CDK9: variants seen among roughly 807,000 people sequenced by gnomAD.
The protein encoded by CDK9 is cyclin-dependent kinase 9.
Under a neutral mutation model 39.0 loss-of-function variants are expected in CDK9, and 34 were observed. The ratio of observed to expected loss-of-function variants is 0.87; its 90% CI spans 0.66 to 1.16. The LOEUF (loss-of-function observed/expected upper bound fraction) is 1.16, where lower values mean the gene tolerates loss of function less well. Ranked by LOEUF, CDK9 falls within the 50% of genes most tolerant of loss-of-function variation. CDK9 has a pLI of 0.00. For synonymous variants in CDK9, 233 were observed against 196.2 expected, an observed-to-expected ratio of 1.19 and a Z score of -1.57; for missense variants, 369 against 503.2, an observed-to-expected ratio of 0.73 and a Z score of 2.55.
chr9:127,787,167 C>T (rs1441939071), intron 2 of CDK9, among the ~76,000 whole-genome samples: 2 of 152,214 alleles, frequency 1.3e-5, no homozygotes, highest in Non-Finnish European at 2.9e-5. Context: ...CATCTTAGCT[C>T]TAGTACAACT....
intron 5 of CDK9, 49 bp from the exon 6 acceptor site, chr9:127,788,495 A>G: frequency 6.5e-7 from 1 of 1,532,946 alleles, no homozygotes; most frequent in Non-Finnish European, 8.8e-7. Flanking sequence ...ATTGAGCCTC[A>G]GGAGGCCCTC....
chr9:127,788,737 C>A, intron 6 of CDK9, 45 bp downstream of exon 6: 1 of 1,523,848 alleles, frequency 6.6e-7, no homozygotes. Flanking sequence ...CGAGGTCCCC[C>A]GGCAGAGGAG....
In CDK9 at chr9:127,787,934, A is replaced by T. The variant is rs1373921847; in HGVS notation, c.266-13A>T. On this transcript the variant is annotated splice_polypyrimidine_tract_variant and intron_variant, in intron 3 of 6. Coordinates refer to ENST00000373264, the MANE Select transcript of CDK9 (RefSeq NM_001261.4). The stretch of plus-strand genomic sequence containing the variant: ...GTTTTCTTGACTTTTTCTTCTTTCT[A>T]TTCCTGCCTCAGCTTCCCCCTATAA... 1.9e-6 allele frequency: 3 copies of T among 1,613,530 alleles called. No individual in the cohort carries two copies. The highest frequency in any genetic ancestry group is 2.5e-6 in the Non-Finnish European group (3 of 1,179,562).
rs1161026463 is a variant in CDK9, at chr9:127,786,134, G to A, written c.-15G>A. On this transcript the variant is annotated 5_prime_UTR_variant, in exon 1 of 7. Coordinates refer to ENST00000373264, the MANE Select transcript of CDK9 (RefSeq NM_001261.4). The stretch of plus-strand genomic sequence containing the variant: ...AGCAGCGACTGGGGGCGGCGGCGGC[G>A]CGTTGGAGGCGGCCATGGCAAAGCA... 1.9e-6 allele frequency: 3 copies of A among 1,584,264 alleles called. No individual in the cohort carries two copies. The highest frequency in any genetic ancestry group is 2.6e-6 in the Non-Finnish European group (3 of 1,165,094).
At chr9:127,787,497 T>C (rs368789139) in intron 2 of CDK9, 21 bp from the exon 3 acceptor site, 108 of 1,580,690 alleles carry the variant, frequency 6.8e-5, no homozygotes, top group Non-Finnish European at 9.0e-5. Flanking sequence ...TCTTGACCAC[T>C]TTCCCCTCTT....
chr9:127,786,669 A>G (rs775287060), intron 1 of CDK9, 32 bp from the exon 2 acceptor site: 9 of 1,596,698 alleles, frequency 5.6e-6, no homozygotes, highest in South Asian at 1.1e-5. Flanking sequence ...AAATGGCCTG[A>G]TGAGTTCTCG....
chr9:127,788,703 C>G lies in CDK9; in HGVS notation c.753+11C>G, dbSNP rs766414012. 1.3e-6 allele frequency: 2 copies of G among 1,581,776 alleles called. No individual in the cohort carries two copies. The highest frequency in any genetic ancestry group is 2.3e-5 in the South Asian group (2 of 86,184). On this transcript the variant is annotated intron_variant, in intron 6 of 6. Transcript: ENST00000373264. ...TCCATCACCCCTGAGGTACGGGGCCCCGGTCCCCACGGGGTGCAGAGATCG... is the reference window on the plus strand; with the variant it reads ...TCCATCACCCCTGAGGTACGGGGCCGCGGTCCCCACGGGGTGCAGAGATCG...
Position 127,788,635 on chromosome 9 carries a change from CACG to C in CDK9, c.697_699del (p.Thr233del). The C allele has an allele frequency of 6.2e-7, 1 of 1,611,586 alleles. No homozygotes were observed. The highest frequency in any genetic ancestry group is 1.1e-5 in the South Asian group (1 of 90,484). ...CCCGCAGCCCCATCATGCAGGGCAA[CACG>C]GAGCAGCACCAACTCGCCCTCATCA... On this transcript the variant is annotated inframe_deletion, in exon 6 of 7. Transcript: ENST00000373264.
chr9:127,788,879 C>T (rs1158237997), intron 6 of CDK9, among the ~76,000 whole-genome samples, 187 bp downstream of exon 6: 4 of 152,144 alleles, frequency 2.6e-5, no homozygotes, highest in Non-Finnish European at 5.9e-5. Context: ...GTCTCGGTTC[C>T]ATCAGCTGTT....
chr9:127,788,408 AG>A, intron 5 of CDK9, 23 bp downstream of exon 5: 1 of 1,601,440 alleles, frequency 6.2e-7, no homozygotes, highest in South Asian at 1.1e-5. Context: ...GAGCGGGCCA[AG>A]GGGGGTGAGG....
intron 1 of CDK9, 29 bp downstream of exon 1, chr9:127,786,269 C>T (rs1829312894): frequency 6.3e-7 from 1 of 1,578,834 alleles, no homozygotes; most frequent in East Asian, 2.3e-5. Flanking sequence ...GGGCCGGGAG[C>T]CCTGGGCCTG....
chr9:127,786,725 C>T lies in CDK9; in HGVS notation c.117C>T (p.Arg39=), dbSNP rs772437157. ...GGGAGGTGTTCAAGGCCAGGCACCG[C>T]AAGACCGGCCAGAAGGTGGCTCTGA... The part of the protein sequence containing the change: ...TFGEVFKARH[R]KTGQKVALKK... Residue 39 remains arginine, a synonymous_variant, in exon 2 of 7, where the codon CGC becomes CGT. Transcript: ENST00000373264. The T allele has an allele frequency of 6.2e-7, 1 of 1,614,048 alleles. No individual in the cohort carries two copies. Among genetic ancestry groups the T allele is most frequent in the Non-Finnish European group, 8.5e-7 (1 of 1,179,978 alleles).
At position 127,786,687 on chromosome 9, in the gene CDK9, C is replaced by T. The variant is rs996150464; in HGVS notation, c.93-14C>T. ...TGGCCTGATGAGTTCTCGGGTCTCC[C>T]TTTCCGCCTGCAGGGAGGTGTTCAA... On this transcript the variant is annotated splice_polypyrimidine_tract_variant and intron_variant, in intron 1 of 6. Coordinates refer to ENST00000373264, the MANE Select transcript of CDK9 (RefSeq NM_001261.4). 3 of 1,612,574 alleles carry T rather than the reference C, an allele frequency of 1.9e-6. No individual in the cohort carries two copies. Among genetic ancestry groups the T allele is most frequent in the Non-Finnish European group, 1.7e-6 (2 of 1,179,234 alleles).
chr9:127,787,608 GGTA>G lies in CDK9; in HGVS notation c.265+1_265+3del. 6.2e-7 allele frequency: 1 copy of G among 1,603,010 alleles called. No homozygotes were observed. The highest frequency in any genetic ancestry group is 8.5e-7 in the Non-Finnish European group (1 of 1,169,934). The stretch of plus-strand genomic sequence containing the variant: ...CTTGATTGAGATTTGTCGAACCAAA[GGTA>G]AGTTATTTGGTTCTTACGAGAAGAT... On this transcript the variant is annotated splice_donor_variant and splice_donor_region_variant and intron_variant, in intron 3 of 6. Transcript: ENST00000373264. LOFTEE classifies it high-confidence loss of function.
Position 127,789,076 on chromosome 9 carries a change from C to T in CDK9, c.754-102C>T, listed in dbSNP as rs548636139. 33 of 1,426,964 alleles carry T rather than the reference C, an allele frequency of 2.3e-5. No homozygotes were observed. The African/African-American group carries it at 3.1e-4, about 14-fold the overall frequency. 88.4% of individuals were successfully genotyped at this position (1,426,964 alleles called of 1,614,324 possible). On this transcript the variant is annotated intron_variant, in intron 6 of 6. Coordinates refer to ENST00000373264, the MANE Select transcript of CDK9 (RefSeq NM_001261.4). This position sits in a 1 kb window ranked among gnomAD's most constrained non-coding sequence, Gnocchi z 5.2. ...GGTCGAGTAGCAGTCTGGGAGCCTC[C>T]GAGTGGAGCAGGTATTTTAGTCCTT...
In CDK9 at chr9:127,790,209, C is replaced by T. The variant is rs1829404244; in HGVS notation, c.*666C>T. On this transcript the variant is annotated 3_prime_UTR_variant, in exon 7 of 7. Coordinates refer to ENST00000373264, the MANE Select transcript of CDK9 (RefSeq NM_001261.4). The stretch of plus-strand genomic sequence containing the variant: ...ACTTGATTGTCAAGTCACTGGAGGT[C>T]TTGACTTTTTTATCTCAGTTCATGT... The T allele has an allele frequency of 6.6e-6, 1 of 151,890 alleles. No homozygotes were observed. 9.4% of individuals were successfully genotyped at this position (151,890 alleles called of 1,614,324 possible).
intron 1 of CDK9, 101 bp downstream of exon 1, chr9:127,786,341 TC>T: frequency 2.0e-6 from 2 of 989,686 alleles, no homozygotes; most frequent in Non-Finnish European, 1.5e-6. Context: ...AAGTCGTCTG[TC>T]CCCGGGCTTG....
Position 127,788,402 on chromosome 9 carries a change from G to T in CDK9, c.604+17G>T. On this transcript the variant is annotated intron_variant, in intron 5 of 6. Coordinates refer to ENST00000373264, the MANE Select transcript of CDK9 (RefSeq NM_001261.4). ...TGTTGCTCGGTGAGGACTCCCGAGC[G>T]GGCCAAGGGGGGTGAGGGCCAGGCA... The T allele has an allele frequency of 6.2e-7, 1 of 1,603,670 alleles. No individual in the cohort carries two copies. The highest frequency in any genetic ancestry group is 1.3e-5 in the African/African-American group (1 of 74,874).
chr9:127,786,770 C>T lies in CDK9; in HGVS notation c.162C>T (p.Asn54=), dbSNP rs1189386363. 5.0e-6 allele frequency: 8 copies of T among 1,613,916 alleles called. No individual in the cohort carries two copies. In the East Asian group the frequency reaches 6.7e-5, roughly 13 times the overall value. The part of the protein sequence containing the change: ...KVALKKVLME[N]EKEGFPITAL... ...CTCTGAAGAAGGTGCTGATGGAAAA[C>T]GAGAAGGAGGGGGTGAGTACGGATC... The change falls in exon 2 of 7, where the codon AAC becomes AAT. Residue 54 remains asparagine, a synonymous_variant. Transcript: ENST00000373264.
Sources: gnomAD v4.1 joint callset for allele counts (sites outside exome capture counted in the v4.1 genomes callset) on GRCh38, gnomAD v4.1.1 for gene constraint, Gnocchi (gnomAD v3.1) non-coding constraint, MANE v1.5 for transcripts, NCBI Gene and HGNC (gene_info 2026-07-23, HGNC 2026-07-21) for gene names.